Variants in PTPN22 observed in about 807,000 individuals in gnomAD.
PTPN22 encodes the protein protein tyrosine phosphatase non-receptor type 22.
In PTPN22, 85 loss-of-function variants were observed where a neutral mutation model predicts 103.3. The observed-to-expected ratio is 0.82, with a 90% CI of 0.69 to 0.99. The LOEUF is 0.99. Among genes scored for constraint, PTPN22 ranks in the 50% least tolerant of loss-of-function variants. The pLI is 0.00. For synonymous variants in PTPN22, 323 were observed against 310.2 expected (o/e 1.04, Z -0.43); for missense variants, 865 against 936.9 (o/e 0.92, Z 1.00).
chr1:113,859,137 C>A (rs1158452957), intron 2 of PTPN22, 59 bp from the exon 3 acceptor site: 16 of 1,597,230 alleles, frequency 1.0e-5, no homozygotes. Flanking sequence ...AGATTTAAAT[C>A]AGGGCCTAAC....
At chr1:113,858,394 C>G in intron 4 of PTPN22, 84 bp downstream of exon 4, 1 of 914,222 alleles carries the variant, frequency 1.1e-6, no homozygotes. Context: ...ATGCCTGAAC[C>G]CTGAAGTTCC....
intron 13 of PTPN22, 92 bp from the exon 14 acceptor site, chr1:113,835,085 T>TGGTA: frequency 3.0e-6 from 2 of 656,196 alleles, no homozygotes; most frequent in Non-Finnish European, 4.5e-6. Flanking sequence ...AAATTTACCA[T>TGGTA]AATTTATATT....
intron 19 of PTPN22, among the ~76,000 whole-genome samples, chr1:113,820,243 C>T (rs1661478057): frequency 6.6e-6 from 1 of 151,894 alleles, no homozygotes; most frequent in Non-Finnish European, 1.5e-5. Flanking sequence ...AACTTGAGGC[C>T]AGGAGTACGA....
At chr1:113,834,485 T>C (rs1395777816) in intron 14 of PTPN22, 46 bp from the exon 15 acceptor site, 1 of 1,557,256 alleles carries the variant, frequency 6.4e-7, no homozygotes, top group African/African-American at 1.4e-5. Context: ...TAGTATTCTT[T>C]TAGACATCAA....
chr1:113,866,511 A>AAAC (rs374580486), intron 1 of PTPN22, among the ~76,000 whole-genome samples: 26,678 of 150,850 alleles, frequency 0.18, 2,717 homozygotes, highest in Non-Finnish European at 0.24. Context: ...CTCCATCTCA[A>AAAC]AACAACAACA....
At chr1:113,838,293 C>A in exon 13 of PTPN22, 3 of 1,613,718 alleles carry the variant, frequency 1.9e-6, no homozygotes, top group Non-Finnish European at 2.5e-6. Flanking sequence ...TAGCAGGGTG[C>A]AAAACTAGCT....
chr1:113,820,227 G>C (rs2101875892), intron 19 of PTPN22, among the ~76,000 whole-genome samples: 1 of 152,216 alleles, frequency 6.6e-6, no homozygotes, highest in South Asian at 2.1e-4. Flanking sequence ...GCTGAGGCAG[G>C]CAGATAACTT....
intron 14 of PTPN22, 61 bp from the exon 15 acceptor site, chr1:113,834,500 T>A: frequency 6.6e-7 from 1 of 1,506,576 alleles, no homozygotes; most frequent in Non-Finnish European, 9.2e-7. Flanking sequence ...CATCAAATGT[T>A]GCTCAGCAAA....
intron 1 of PTPN22, among the ~76,000 whole-genome samples, chr1:113,865,210 G>A (rs559785043): frequency 1.6e-4 from 24 of 152,300 alleles, no homozygotes; most frequent in South Asian, 2.1e-4. Context: ...AACAGAAAAC[G>A]TATATAAGGA....
chr1:113,865,500 T>C lies in PTPN22; in HGVS notation c.87+6037A>G, dbSNP rs1488117212. ...CACGTACGGCAAAGCACTTAGCAGATTGCCTAGTACATAGTAAGTAGGCAA... is the reference window on the plus strand; with the variant it reads ...CACGTACGGCAAAGCACTTAGCAGACTGCCTAGTACATAGTAAGTAGGCAA... On this transcript the variant is annotated intron_variant, in intron 1 of 20. Transcript: ENST00000359785. Among the ~76,000 whole-genome samples, 3 of 152,242 alleles carry C rather than the reference T, an allele frequency of 2.0e-5. No individual in the cohort carries two copies. In the East Asian group the frequency reaches 5.8e-4, roughly 29 times the overall value.
chr1:113,865,481 C>T lies in PTPN22; in HGVS notation c.88-6021G>A, dbSNP rs377410752. On this transcript the variant is annotated intron_variant, in intron 1 of 20. Coordinates refer to ENST00000359785, the Ensembl canonical transcript of PTPN22. ...TGTAACGATTAAACGAGATCACGTA[C>T]GGCAAAGCACTTAGCAGATTGCCTA... is the stretch of plus-strand genomic sequence containing the variant. 6.6e-4 allele frequency among the ~76,000 whole-genome samples: 100 copies of T among 152,224 alleles called. 4 individuals carry two copies. In the South Asian group the frequency reaches 0.019, roughly 29 times the overall value.
At chr1:113,841,821 T>G (rs1254029776) in intron 11 of PTPN22, among the ~76,000 whole-genome samples, 1 of 152,134 alleles carries the variant, frequency 6.6e-6, no homozygotes, top group Non-Finnish European at 1.5e-5. Context: ...CAGGCTGATC[T>G]CAAACTCCTG....
chr1:113,843,188 C>A (rs1188936859), intron 11 of PTPN22, among the ~76,000 whole-genome samples: 3 of 148,800 alleles, frequency 2.0e-5, no homozygotes, highest in Admixed American at 2.0e-4. Flanking sequence ...AGCAGGGATA[C>A]AAATATATAT....
chr1:113,838,703 A>T, intron 11 of PTPN22, 83 bp from the exon 12 acceptor site: 1 of 1,506,850 alleles, frequency 6.6e-7, no homozygotes, highest in Non-Finnish European at 8.9e-7. Flanking sequence ...CTGAAAAGTA[A>T]TTTTTCAGGA....
intron 1 of PTPN22, among the ~76,000 whole-genome samples, chr1:113,861,016 C>G (rs576055093): frequency 6.6e-6 from 1 of 152,214 alleles, no homozygotes; most frequent in South Asian, 2.1e-4. Flanking sequence ...CTACCTTCAA[C>G]AATAAGGCAG....
At chr1:113,862,460 A>C (rs1446566899) in intron 1 of PTPN22, among the ~76,000 whole-genome samples, 1 of 152,128 alleles carries the variant, frequency 6.6e-6, no homozygotes, top group Non-Finnish European at 1.5e-5. Flanking sequence ...TCAAGAAAGG[A>C]GAGGAGAATG....
chr1:113,852,739 T>A (rs184980026), intron 9 of PTPN22, among the ~76,000 whole-genome samples: 1 of 152,166 alleles, frequency 6.6e-6, no homozygotes, highest in Non-Finnish European at 1.5e-5. Context: ...CCCTACACTA[T>A]TGGAATCTCC....
At chr1:113,862,960 G>A (rs529211286) in intron 1 of PTPN22, among the ~76,000 whole-genome samples, 2 of 152,324 alleles carry the variant, frequency 1.3e-5, no homozygotes, top group South Asian at 4.1e-4. Context: ...ACTTATCGAG[G>A]TTAGTTTCCA....
At position 113,824,472 on chromosome 1, in the gene PTPN22, A is replaced by G. The variant is rs562957589; in HGVS notation, c.2281+670T>C. On this transcript the variant is annotated intron_variant, in intron 19 of 20. Transcript: ENST00000359785. ...TAATTTTCCACAGTTTCAGGACTCA[A>G]TGGATTTTATTTTCATTACAACGTA... is the stretch of plus-strand genomic sequence containing the variant. 4.5e-4 allele frequency among the ~76,000 whole-genome samples: 69 copies of G among 152,342 alleles called. No individual in the cohort carries two copies. In the Middle Eastern group the frequency reaches 0.014, roughly 30 times the overall value.
Sources: gnomAD v4.1 joint callset for allele counts (sites outside exome capture counted in the v4.1 genomes callset) on GRCh38, gnomAD v4.1.1 for gene constraint, MANE v1.5 for transcripts, NCBI Gene and HGNC (gene_info 2026-07-23, HGNC 2026-07-21) for gene names.